Variants in RANBP2 observed in about 807,000 individuals in gnomAD.
RANBP2 encodes the protein E3 SUMO-protein ligase RanBP2.
Under a neutral mutation model 303.6 loss-of-function variants are expected in RANBP2, and 57 were observed. The observed-to-expected ratio is 0.19, with a 90% confidence interval of 0.15 to 0.23. RANBP2 has a LOEUF of 0.23. Among genes scored for constraint, RANBP2 ranks in the 10% least tolerant of loss-of-function variants. RANBP2 has a pLI of 1.00. For synonymous variants in RANBP2, 1,167 were observed against 1,301.5 expected (o/e 0.90, Z 2.23); for missense variants, 3,138 against 3,780.8 (o/e 0.83, Z 4.46).
chr2:109,089,307 A>T, the RANBP2 span, among the ~76,000 whole-genome samples: 1 of 152,178 alleles, frequency 6.6e-6, no homozygotes, highest in African/African-American at 2.4e-5. Context: ...GTCAGTGTTA[A>T]AAACACAGGG....
chr2:109,169,729 A>G, the RANBP2 span, among the ~76,000 whole-genome samples: 6 of 148,450 alleles, frequency 4.0e-5, no homozygotes. Flanking sequence ...TATATAACCA[A>G]AATACATATG....
the RANBP2 span, among the ~76,000 whole-genome samples, chr2:108,998,641 C>T: frequency 6.6e-6 from 1 of 152,200 alleles, no homozygotes; most frequent in Non-Finnish European, 1.5e-5. Flanking sequence ...ATGCAAACTC[C>T]GAGCCCCAGC....
At chr2:108,817,291 T>C in the RANBP2 span, among the ~76,000 whole-genome samples, 2 of 151,644 alleles carry the variant, frequency 1.3e-5, no homozygotes, top group African/African-American at 4.9e-5. Flanking sequence ...ATTCAGATAA[T>C]CTTTTTTCTT....
the RANBP2 span, among the ~76,000 whole-genome samples, chr2:109,049,368 G>A: frequency 6.6e-6 from 1 of 152,208 alleles, no homozygotes. Flanking sequence ...CCCCTGGGAG[G>A]CGTGTTAGGT....
chr2:109,489,986 C>T, the RANBP2 span, among the ~76,000 whole-genome samples: 9 of 152,214 alleles, frequency 5.9e-5, no homozygotes, highest in African/African-American at 2.2e-4. Context: ...GATCTGCCCA[C>T]CTTGGCCTCC....
At chr2:109,395,722 T>C in the RANBP2 span, among the ~76,000 whole-genome samples, 4 of 152,188 alleles carry the variant, frequency 2.6e-5, no homozygotes, top group African/African-American at 9.7e-5. Context: ...CAGTGCTCAG[T>C]GACCTGTGGC....
rs560038746 is a variant in RANBP2 at position 108,753,462 on chromosome 2, A to G, written c.1954A>G (p.Ile652Val). 136 of 1,611,808 alleles carry G rather than the reference A, an allele frequency of 8.4e-5. No individual in the cohort carries two copies. Among genetic ancestry groups the G allele is most frequent in the South Asian group, 4.9e-4 (45 of 90,950 alleles). ...TGTTGAATATGAAGAAGACGCACACATAACTTTTGCTATATTGGATGCAGT... is the reference window on the plus strand; with the variant it reads ...TGTTGAATATGAAGAAGACGCACACGTAACTTTTGCTATATTGGATGCAGT... The part of the protein sequence containing the change: ...EIVEYEEDAH[I>V]TFAILDAVNG... The change falls in exon 14 of 29, where the codon ATA becomes GTA. Residue 652 changes from isoleucine to valine, a missense_variant. Coordinates refer to ENST00000283195, the MANE Select transcript of RANBP2 (RefSeq NM_006267.5).
At chr2:109,098,254 C>T in the RANBP2 span, among the ~76,000 whole-genome samples, 1 of 152,212 alleles carries the variant, frequency 6.6e-6, no homozygotes, top group Non-Finnish European at 1.5e-5. Flanking sequence ...TTGAACTAAA[C>T]TCATGTACAA....
intron 24 of RANBP2, 102 bp downstream of exon 24, chr2:108,776,038 A>G: frequency 1.0e-6 from 1 of 990,436 alleles, no homozygotes. Context: ...TTTAAAACAC[A>G]TTTTGATATG....
In RANBP2 at chr2:108,764,193, T is replaced by C. The variant is rs760238392; in HGVS notation, c.3654T>C (p.Asn1218=). ...AATGGAAAGAACGTGGGATTGGCAA[T>C]GTAAAAATACTGAGGCATAAAACAT... The part of the protein sequence containing the change: ...SKEWKERGIG[N]VKILRHKTSG... The change falls in exon 20 of 29, where the codon AAT becomes AAC. Residue 1218 remains asparagine, a synonymous_variant. Transcript: ENST00000283195. 3.5e-5 allele frequency: 57 copies of C among 1,614,062 alleles called. 1 individual carries two copies. Among genetic ancestry groups the C allele is most frequent in the Non-Finnish European group, 4.3e-5 (51 of 1,179,948 alleles).
chr2:109,263,272 G>T, the RANBP2 span, among the ~76,000 whole-genome samples: 6 of 152,136 alleles, frequency 3.9e-5, no homozygotes, highest in African/African-American at 1.4e-4. Flanking sequence ...ATTATCTGTG[G>T]TCACTTGATT....
the RANBP2 span, among the ~76,000 whole-genome samples, chr2:109,176,241 G>A: frequency 6.6e-6 from 1 of 152,208 alleles, no homozygotes; most frequent in African/African-American, 2.4e-5. Context: ...GAGTCAAGTA[G>A]CAATTGTAGA....
the RANBP2 span, among the ~76,000 whole-genome samples, chr2:109,172,459 A>G: frequency 5.3e-5 from 8 of 152,168 alleles, no homozygotes; most frequent in African/African-American, 1.9e-4. Flanking sequence ...TGAGATAGCA[A>G]ACTTTTATCC....
At chr2:109,274,277 A>G in the RANBP2 span, among the ~76,000 whole-genome samples, 1 of 152,200 alleles carries the variant, frequency 6.6e-6, no homozygotes, top group Non-Finnish European at 1.5e-5. Flanking sequence ...TCAAAAGTGA[A>G]TTCCTAGGTG....
chr2:109,228,166 A>G, the RANBP2 span, among the ~76,000 whole-genome samples: 1 of 152,162 alleles, frequency 6.6e-6, no homozygotes, highest in African/African-American at 2.4e-5. Context: ...CGTTTGGCAA[A>G]CATGGTGCTA....
the RANBP2 span, among the ~76,000 whole-genome samples, chr2:109,397,549 A>G: frequency 2.0e-5 from 3 of 152,196 alleles, no homozygotes; most frequent in African/African-American, 7.2e-5. Context: ...AAGGGGCTCC[A>G]TTGGGCACCC....
the RANBP2 span, among the ~76,000 whole-genome samples, chr2:109,203,745 C>T: frequency 4.6e-5 from 7 of 152,340 alleles, no homozygotes; most frequent in African/African-American, 1.7e-4. Context: ...TCTGCCCAGC[C>T]CACAGAACCC....
At chr2:109,269,838 T>G in the RANBP2 span, among the ~76,000 whole-genome samples, 1 of 152,134 alleles carries the variant, frequency 6.6e-6, no homozygotes, top group East Asian at 1.9e-4. Context: ...GGACCAAGAC[T>G]CCAGAATGTT....
chr2:109,140,779 G>A, the RANBP2 span, among the ~76,000 whole-genome samples: 1 of 152,224 alleles, frequency 6.6e-6, no homozygotes, highest in Non-Finnish European at 1.5e-5. Flanking sequence ...TATGCAATAT[G>A]ATTGATGTTA....
Sources: gnomAD v4.1 joint callset for allele counts (sites outside exome capture counted in the v4.1 genomes callset) on GRCh38, gnomAD v4.1.1 for gene constraint, MANE v1.5 for transcripts, NCBI Gene and HGNC (gene_info 2026-07-23, HGNC 2026-07-21) for gene names.